The following TNKS variants were observed in gnomAD, a reference collection of about 807,000 sequenced individuals.
TNKS encodes poly [ADP-ribose] polymerase tankyrase-1.
TNKS carries 72 observed loss-of-function variants against 135.8 expected under a neutral mutation model. The observed-to-expected ratio is 0.53, with a 90% CI of 0.44 to 0.64. The LOEUF is 0.64. Among genes scored for constraint, TNKS ranks in the 30% least tolerant of loss-of-function variants. TNKS has a pLI of 0.00. For missense variants in TNKS, 1,769 were observed against 1,674.0 expected (o/e 1.06, Z -0.99); for synonymous variants, 849 against 649.3 (o/e 1.31, Z -4.68).
At chr8:9,770,981 G>C (rs1164234872) in intron 26 of TNKS, among the ~76,000 whole-genome samples, 3 of 152,144 alleles carry the variant, frequency 2.0e-5, no homozygotes, top group East Asian at 1.9e-4. Context: ...ATGGAATGGA[G>C]AAGGTAAGAA....
Position 9,680,722 on chromosome 8 carries a change from T to C in TNKS, c.1032-3T>C. On this transcript the variant is annotated splice_polypyrimidine_tract_variant and splice_region_variant and intron_variant, in intron 4 of 26. Transcript: ENST00000310430. ...GAGGAATTGACTTACTACCTTTTTA[T>C]AGGAGTGGTAATGAAGAAAAACTAA... The C allele has an allele frequency of 6.2e-7, 1 of 1,604,514 alleles. No homozygotes were observed. Among genetic ancestry groups the C allele is most frequent in the Non-Finnish European group, 8.5e-7 (1 of 1,173,056 alleles).
At chr8:9,633,625 A>AAT (rs1800383598) in intron 3 of TNKS, among the ~76,000 whole-genome samples, 1 of 152,228 alleles carries the variant, frequency 6.6e-6, no homozygotes, top group African/African-American at 2.4e-5. Flanking sequence ...AGAGCTGATG[A>AAT]TAAGCCATTT....
Position 9,726,707 on chromosome 8 carries a change from T to G in TNKS, c.1988T>G (p.Leu663Trp). ...RLLEASKAGD[L>W]ETVKQLCSSQ... ...TTAGAGGCATCTAAAGCTGGAGACTTGGAAACTGTGAAGGTAAGTCAGTGC... is the reference window on the plus strand; with the variant it reads ...TTAGAGGCATCTAAAGCTGGAGACTGGGAAACTGTGAAGGTAAGTCAGTGC... Residue 663 changes from leucine to tryptophan, a missense_variant, in exon 13 of 27, where the codon TTG becomes TGG. Transcript: ENST00000310430. The G allele has an allele frequency of 1.2e-6, 2 of 1,613,218 alleles. No homozygotes were observed. Among genetic ancestry groups the G allele is most frequent in the Non-Finnish European group, 1.7e-6 (2 of 1,179,606 alleles).
chr8:9,672,430 G>C (rs546424849), intron 3 of TNKS, among the ~76,000 whole-genome samples: 1 of 152,044 alleles, frequency 6.6e-6, no homozygotes, highest in Non-Finnish European at 1.5e-5. Flanking sequence ...CAGCTGTGCT[G>C]TGTAGCTGTG....
At chr8:9,605,129 A>G (rs1404098247) in intron 2 of TNKS, among the ~76,000 whole-genome samples, 1 of 152,074 alleles carries the variant, frequency 6.6e-6, no homozygotes, top group Admixed American at 6.5e-5. Context: ...AAATAATACA[A>G]CAGTTTTGTT....
rs996185372 is a variant in TNKS, at chr8:9,778,481, A to C, written c.*1745A>C. On this transcript the variant is annotated 3_prime_UTR_variant, in exon 27 of 27. Transcript: ENST00000310430. ...GATTTTGGCTTCAACCCAGTGCTGG[A>C]ACTAGGCATCCAGACTAGTTTGAAT... 2.6e-5 allele frequency: 4 copies of C among 152,640 alleles called. No homozygotes were observed. Among genetic ancestry groups the C allele is most frequent in the African/African-American group, 9.6e-5 (4 of 41,452 alleles). The allele number at this position is 152,640 out of a possible 1,614,324, so 9.5% of individuals were successfully genotyped here. A position where few individuals can be genotyped will look rare whatever the true frequency, so the allele number is the denominator to read the frequency against.
At chr8:9,716,672 C>G (rs1013255745) in intron 11 of TNKS, among the ~76,000 whole-genome samples, 2 of 152,044 alleles carry the variant, frequency 1.3e-5, no homozygotes, top group African/African-American at 2.4e-5. Context: ...CCCTGCTTCC[C>G]TCTTTCCCCT....
intron 2 of TNKS, among the ~76,000 whole-genome samples, chr8:9,586,489 A>T (rs986277255): frequency 2.0e-5 from 3 of 152,042 alleles, no homozygotes; most frequent in Non-Finnish European, 4.4e-5. Flanking sequence ...TTCTGCTGAG[A>T]GAGAGCAAAA....
At chr8:9,627,422 G>A (rs1049100376) in intron 3 of TNKS, among the ~76,000 whole-genome samples, 2 of 152,138 alleles carry the variant, frequency 1.3e-5, no homozygotes, top group African/African-American at 2.4e-5. Flanking sequence ...TGTGTAATTG[G>A]CATCAGAAAT....
intron 12 of TNKS, among the ~76,000 whole-genome samples, chr8:9,723,895 A>G (rs1253177838): frequency 2.0e-5 from 3 of 152,204 alleles, no homozygotes; most frequent in Admixed American, 6.5e-5. Context: ...ACTTTCATCT[A>G]CACAGGTAAA....
At chr8:9,767,167 C>A (rs746586389) in intron 25 of TNKS, among the ~76,000 whole-genome samples, 7 of 152,244 alleles carry the variant, frequency 4.6e-5, no homozygotes, top group Middle Eastern at 3.4e-3. Flanking sequence ...TGTTTTAAGG[C>A]AGGATATATA....
chr8:9,556,020 G>GCCGCCGCCACCT lies in TNKS; in HGVS notation c.84_95dup (p.Pro31_Pro34dup), dbSNP rs768040072. 6.2e-7 allele frequency: 1 copy of GCCGCCGCCACCT among 1,612,418 alleles called. No individual in the cohort carries two copies. Among genetic ancestry groups the GCCGCCGCCACCT allele is most frequent in the South Asian group, 1.1e-5 (1 of 91,010 alleles). ...AGCCCGCCCCAGGGGCTTCAGCGCC[G>GCCGCCGCCACCT]CCGCCGCCACCTCCTCCCCCACTCA... On this transcript the variant is annotated inframe_insertion, in exon 1 of 27. Coordinates refer to ENST00000310430, the MANE Select transcript of TNKS (RefSeq NM_003747.3).
At chr8:9,664,885 G>A (rs556226401) in intron 3 of TNKS, among the ~76,000 whole-genome samples, 2 of 152,166 alleles carry the variant, frequency 1.3e-5, no homozygotes, top group South Asian at 2.1e-4. Context: ...ATTACTACAC[G>A]GCATTTCTAT....
chr8:9,764,583 T>C (rs1807324087), intron 22 of TNKS, 133 bp from the exon 23 acceptor site: 13 of 511,582 alleles, frequency 2.5e-5, no homozygotes, highest in South Asian at 4.4e-5. Context: ...TCACCAAAAA[T>C]ACTTATCCAC....
chr8:9,701,857 C>A (rs1803819747), intron 5 of TNKS, among the ~76,000 whole-genome samples: 1 of 152,062 alleles, frequency 6.6e-6, no homozygotes, highest in East Asian at 1.9e-4. Context: ...CACAGGGGCC[C>A]CTTACAGTGT....
Position 9,708,478 on chromosome 8 carries a change from C to T in TNKS, c.1564C>T (p.His522Tyr). 6.2e-7 allele frequency: 1 copy of T among 1,605,118 alleles called. No individual in the cohort carries two copies. Residue 522 changes from histidine (H) to tyrosine (Y), a missense_variant, in exon 9 of 27, where the codon CAT becomes TAT. His to Tyr is a moderately conservative substitution (Grantham distance 83). This residue lies in a region of TNKS where 523 missense variants were observed against 541.0 expected (regional missense o/e 0.97). Coordinates refer to ENST00000310430, the MANE Select transcript of TNKS (RefSeq NM_003747.3). ...CATTAATTTCAAACAACCGCAGTCT[C>T]ATGAAACAGCACTGGTAAGATTTTA... The part of the protein sequence containing the change: ...EIINFKQPQS[H>Y]ETALHCAVAS...
intron 1 of TNKS, among the ~76,000 whole-genome samples, chr8:9,569,167 T>C (rs943686086): frequency 6.6e-6 from 1 of 152,222 alleles, no homozygotes; most frequent in Non-Finnish European, 1.5e-5. Flanking sequence ...GATTTTATCA[T>C]TGGGAACAAA....
intron 3 of TNKS, among the ~76,000 whole-genome samples, chr8:9,628,348 G>A (rs943793500): frequency 1.3e-5 from 2 of 151,824 alleles, no homozygotes; most frequent in Admixed American, 1.3e-4. Context: ...ATGCCTTTTT[G>A]CTGTTGTTAT....
intron 3 of TNKS, among the ~76,000 whole-genome samples, chr8:9,668,231 T>A (rs1453403450): frequency 1.3e-5 from 2 of 152,256 alleles, no homozygotes; most frequent in African/African-American, 4.8e-5. Flanking sequence ...GCTGTTTGTA[T>A]CAGTTTATGT....
Sources: allele counts gnomAD v4.1 joint callset (sites outside exome capture counted in the v4.1 genomes callset), GRCh38; gene constraint gnomAD v4.1.1; regional missense constraint gnomAD v4.1.1; transcripts MANE v1.5; gene names NCBI Gene and HGNC (gene_info 2026-07-23, HGNC 2026-07-21).